KIAA1217: variants seen among roughly 807,000 people sequenced by gnomAD.
KIAA1217 encodes sickle tail protein homolog.
Under a neutral mutation model 163.9 loss-of-function variants are expected in KIAA1217, and 88 were observed. The observed-to-expected ratio is 0.54, with a 90% CI of 0.45 to 0.64. The LOEUF is 0.64. KIAA1217 is among the 30% of genes least tolerant of loss of function. KIAA1217 has a pLI of 0.00. For synonymous variants in KIAA1217, 903 were observed against 923.1 expected (o/e 0.98, Z 0.39); for missense variants, 2,372 against 2,475.0 (o/e 0.96, Z 0.88).
At chr10:24,232,531 C>G (rs1179344424) in intron 2 of KIAA1217, among the ~76,000 whole-genome samples, 1 of 152,082 alleles carries the variant, frequency 6.6e-6, no homozygotes, top group Non-Finnish European at 1.5e-5. Context: ...CGAAGTCTAG[C>G]TAGGCAGTGT....
At chr10:23,848,450 C>G (rs1273186730) in intron 1 of KIAA1217, among the ~76,000 whole-genome samples, 3 of 151,928 alleles carry the variant, frequency 2.0e-5, no homozygotes, top group Non-Finnish European at 2.9e-5. Context: ...TTCTTTATCT[C>G]TTTTCAACCC....
chr10:24,207,280 T>TCACACACA (rs1218257115), upstream of KIAA1217, among the ~76,000 whole-genome samples: 144 of 98,886 alleles, frequency 1.5e-3, 1 homozygote, highest in African/African-American at 7.5e-3. Flanking sequence ...TCTCTCTCTC[T>TCACACACA]CTCACACACA....
intron 2 of KIAA1217, among the ~76,000 whole-genome samples, chr10:24,336,369 T>C (rs187977206): frequency 1.3e-5 from 2 of 152,312 alleles, no homozygotes; most frequent in Non-Finnish European, 2.9e-5. Context: ...TTTCCTACTT[T>C]TTAGTTTTGC....
At chr10:24,383,874 A>T (rs112771610) in intron 3 of KIAA1217, among the ~76,000 whole-genome samples, 12 of 152,220 alleles carry the variant, frequency 7.9e-5, no homozygotes, top group Non-Finnish European at 4.4e-5. Flanking sequence ...GACGGGAAAT[A>T]AAAAGGAAAA....
intron 2 of KIAA1217, among the ~76,000 whole-genome samples, chr10:24,121,811 G>T (rs1468786498): frequency 6.6e-6 from 1 of 151,926 alleles, no homozygotes; most frequent in Non-Finnish European, 1.5e-5. Flanking sequence ...TTTTTCTATT[G>T]TTTCTAACCT....
At chr10:24,036,829 C>T (rs1848412861) in intron 2 of KIAA1217, among the ~76,000 whole-genome samples, 1 of 152,200 alleles carries the variant, frequency 6.6e-6, no homozygotes, top group Middle Eastern at 3.2e-3. Flanking sequence ...CTCCACTAGG[C>T]CCACCATCAA....
intron 4 of KIAA1217, among the ~76,000 whole-genome samples, chr10:24,437,469 A>C (rs1027810454): frequency 1.3e-5 from 2 of 152,250 alleles, no homozygotes; most frequent in Non-Finnish European, 2.9e-5. Flanking sequence ...ATGAGGCTGC[A>C]CCTGGAAGAG....
chr10:23,704,691 A>T (rs947500555), intron 1 of KIAA1217, among the ~76,000 whole-genome samples: 2 of 152,022 alleles, frequency 1.3e-5, no homozygotes, highest in African/African-American at 4.8e-5. Flanking sequence ...ACCACATTTT[A>T]TTGTCCATTT....
chr10:23,888,854 C>T (rs144297378), intron 1 of KIAA1217, among the ~76,000 whole-genome samples: 2 of 151,912 alleles, frequency 1.3e-5, no homozygotes, highest in African/African-American at 4.8e-5. Context: ...TAATTGCTAC[C>T]TCTTCCCACC....
chr10:24,146,765 A>ACAGGCT (rs1262513187), intron 2 of KIAA1217, among the ~76,000 whole-genome samples: 1 of 152,176 alleles, frequency 6.6e-6, no homozygotes, highest in Non-Finnish European at 1.5e-5. Flanking sequence ...ATGGAAGGAG[A>ACAGGCT]CAGGCTAGGA....
At chr10:24,417,292 C>T (rs931672901) in intron 3 of KIAA1217, among the ~76,000 whole-genome samples, 1 of 152,180 alleles carries the variant, frequency 6.6e-6, no homozygotes, top group African/African-American at 2.4e-5. Context: ...CTCACCCTCC[C>T]TGGCTGGCCG....
At chr10:24,040,962 T>C (rs1364676730) in intron 2 of KIAA1217, among the ~76,000 whole-genome samples, 1 of 152,142 alleles carries the variant, frequency 6.6e-6, no homozygotes, top group Non-Finnish European at 1.5e-5. Flanking sequence ...CCAGGGAGGG[T>C]AACTTGCCCA....
At chr10:23,746,625 G>A (rs1399848691) in intron 1 of KIAA1217, among the ~76,000 whole-genome samples, 4 of 151,948 alleles carry the variant, frequency 2.6e-5, no homozygotes, top group Admixed American at 1.3e-4. Flanking sequence ...GGGTTTTACC[G>A]TGTTAGCCAG....
At chr10:23,884,473 C>T (rs1260737974) in intron 1 of KIAA1217, among the ~76,000 whole-genome samples, 1 of 151,952 alleles carries the variant, frequency 6.6e-6, no homozygotes, top group Non-Finnish European at 1.5e-5. Flanking sequence ...AGTATACTGT[C>T]AGTCTAACGA....
chr10:24,460,138 C>T (rs1255917013), intron 5 of KIAA1217, among the ~76,000 whole-genome samples: 3 of 152,094 alleles, frequency 2.0e-5, no homozygotes, highest in Non-Finnish European at 4.4e-5. Context: ...TCAACTAAAC[C>T]CAAGGAAAGC....
intron 2 of KIAA1217, among the ~76,000 whole-genome samples, chr10:24,291,266 C>T (rs371422057): frequency 4.6e-5 from 7 of 152,262 alleles, no homozygotes; most frequent in African/African-American, 4.8e-5. Context: ...TGGTGGCTCA[C>T]GCCTGTAGTC....
chr10:24,443,369 G>A (rs1468330762), intron 5 of KIAA1217, among the ~76,000 whole-genome samples: 1 of 152,170 alleles, frequency 6.6e-6, no homozygotes, highest in Non-Finnish European at 1.5e-5. Flanking sequence ...CGTGGCTGCT[G>A]AAATTATAGC....
chr10:23,968,011 T>C (rs1184011331), intron 1 of KIAA1217, among the ~76,000 whole-genome samples: 1 of 151,668 alleles, frequency 6.6e-6, no homozygotes, highest in African/African-American at 2.4e-5. Flanking sequence ...GTTTGTTACA[T>C]AGGTATACAT....
chr10:24,088,216 C>T (rs2061772359), intron 2 of KIAA1217, among the ~76,000 whole-genome samples: 1 of 115,242 alleles, frequency 8.7e-6, no homozygotes, highest in African/African-American at 2.7e-5. Context: ...CAAGGAACAT[C>T]CCAAACTTGT....
Sources: allele counts gnomAD v4.1 joint callset (sites outside exome capture counted in the v4.1 genomes callset), GRCh38; gene constraint gnomAD v4.1.1; transcripts MANE v1.5; gene names NCBI Gene and HGNC (gene_info 2026-07-23, HGNC 2026-07-21).